PSMA1: variants seen among roughly 807,000 people sequenced by gnomAD.
PSMA1 encodes the protein proteasome subunit alpha type-1.
In PSMA1, 3 loss-of-function variants were observed where a neutral mutation model predicts 38.4. The observed-to-expected ratio is 0.08, with a 90% CI of 0.04 to 0.20. The LOEUF (loss-of-function observed/expected upper bound fraction) is 0.20. Among genes scored for constraint, PSMA1 ranks in the 10% least tolerant of loss-of-function variants. The pLI, the probability that PSMA1 is intolerant of heterozygous loss-of-function variation, is 1.00. For synonymous variants in PSMA1, 101 were observed against 107.1 expected, an observed-to-expected ratio of 0.94 and a Z score of 0.35; for missense variants, 227 against 325.3, an observed-to-expected ratio of 0.70 and a Z score of 2.32.
At chr11:14,531,951 G>A (rs1024238697) in intron 2 of PSMA1, among the ~76,000 whole-genome samples, 5 of 152,104 alleles carry the variant, frequency 3.3e-5, no homozygotes, top group Admixed American at 6.5e-5. Context: ...CCACAGGTTG[G>A]CAGTGGTACT....
At chr11:14,523,746 G>C (rs1394848915), upstream of PSMA1, among the ~76,000 whole-genome samples, 1 of 151,636 alleles carries the variant, frequency 6.6e-6, no homozygotes, top group Non-Finnish European at 1.5e-5. Context: ...CCCATGCCCA[G>C]ATAATTTTAT....
At chr11:14,538,086 TA>T (rs550817237) in intron 2 of PSMA1, among the ~76,000 whole-genome samples, 26 of 152,220 alleles carry the variant, frequency 1.7e-4, no homozygotes, top group African/African-American at 6.0e-4. Context: ...GGGTATAATA[TA>T]AAAAAATTTT....
At chr11:14,528,028 CCTT>C (rs989237025) in intron 2 of PSMA1, among the ~76,000 whole-genome samples, 1 of 152,016 alleles carries the variant, frequency 6.6e-6, no homozygotes, top group African/African-American at 2.4e-5. Flanking sequence ...TGTTTCTAAT[CCTT>C]CTTTAACAAA....
At chr11:14,568,955 T>C (rs1268479018) in intron 2 of PSMA1, among the ~76,000 whole-genome samples, 2 of 152,202 alleles carry the variant, frequency 1.3e-5, no homozygotes, top group African/African-American at 4.8e-5. Context: ...AGGGGGGCCC[T>C]AGGCCTGGCC....
chr11:14,626,053 T>C (rs1852906381), intron 1 of PSMA1, among the ~76,000 whole-genome samples: 1 of 152,104 alleles, frequency 6.6e-6, no homozygotes, highest in Non-Finnish European at 1.5e-5. Flanking sequence ...AAAAACGTTA[T>C]TTTTGCTAAC....
intron 1 of PSMA1, among the ~76,000 whole-genome samples, chr11:14,630,795 T>G (rs1318564090): frequency 2.0e-5 from 3 of 152,178 alleles, no homozygotes; most frequent in African/African-American, 4.8e-5. Context: ...CATCTGGTCC[T>G]GGACTCTTTT....
intron 2 of PSMA1, among the ~76,000 whole-genome samples, chr11:14,546,444 T>G (rs1405136869): frequency 6.6e-6 from 1 of 151,986 alleles, no homozygotes; most frequent in Non-Finnish European, 1.5e-5. Context: ...GAAATGTGGC[T>G]TTTTTTCCCC....
At position 14,578,280 on chromosome 11, in the gene PSMA1, T is replaced by C. The variant is rs540979371; in HGVS notation, c.21+32686A>G. On this transcript the variant is annotated intron_variant, in intron 2 of 10. Transcript: ENST00000418988. Reference sequence around the variant, plus strand: ...TGGTCAAGTTTAACCCTATTGTTTGTTGTCCTGCTGGCCTTGGTTAGAATT... The same window carrying C: ...TGGTCAAGTTTAACCCTATTGTTTGCTGTCCTGCTGGCCTTGGTTAGAATT... 3.4e-3 allele frequency among the ~76,000 whole-genome samples: 514 copies of C among 152,352 alleles called. 3 individuals carry two copies. The highest frequency in any genetic ancestry group is 4.9e-3 in the Non-Finnish European group (334 of 68,032).
chr11:14,623,605 AATAG>A (rs1254454855), intron 1 of PSMA1, among the ~76,000 whole-genome samples: 8 of 152,332 alleles, frequency 5.3e-5, no homozygotes, highest in African/African-American at 1.9e-4. Flanking sequence ...ATTATGGCCC[AATAG>A]AAAGCATCTA....
At chr11:14,536,284 T>C (rs1332276891) in intron 2 of PSMA1, among the ~76,000 whole-genome samples, 2 of 152,124 alleles carry the variant, frequency 1.3e-5, no homozygotes, top group African/African-American at 2.4e-5. Flanking sequence ...CCCAGCACTT[T>C]GGGAGGCCGA....
At chr11:14,605,771 C>T (rs1852635438) in intron 2 of PSMA1, among the ~76,000 whole-genome samples, 1 of 152,186 alleles carries the variant, frequency 6.6e-6, no homozygotes, top group South Asian at 2.1e-4. Context: ...TATCAGACTT[C>T]TATTGGATGC....
At chr11:14,579,577 G>C (rs190130677) in intron 2 of PSMA1, among the ~76,000 whole-genome samples, 1 of 144,434 alleles carries the variant, frequency 6.9e-6, no homozygotes, top group African/African-American at 2.6e-5. Flanking sequence ...GCCAACTTTC[G>C]ACCAACTATA....
At chr11:14,529,609 G>A (rs751877101) in intron 2 of PSMA1, among the ~76,000 whole-genome samples, 5 of 152,084 alleles carry the variant, frequency 3.3e-5, no homozygotes, top group Non-Finnish European at 7.4e-5. Flanking sequence ...TGTGATTAAG[G>A]GCTGGTACTC....
At chr11:14,509,185 C>T (rs796845037) in intron 8 of PSMA1, among the ~76,000 whole-genome samples, 2 of 152,300 alleles carry the variant, frequency 1.3e-5, no homozygotes, top group African/African-American at 4.8e-5. Context: ...GACTGCCTGA[C>T]CTTCCTCCCC....
intron 2 of PSMA1, among the ~76,000 whole-genome samples, chr11:14,538,218 T>A (rs1851732844): frequency 6.6e-6 from 1 of 152,220 alleles, no homozygotes; most frequent in Non-Finnish European, 1.5e-5. Context: ...TGTTTAATTG[T>A]GTGTACATTG....
intron 2 of PSMA1, among the ~76,000 whole-genome samples, chr11:14,608,853 A>C (rs2134197467): frequency 6.6e-6 from 1 of 151,994 alleles, no homozygotes; most frequent in African/African-American, 2.4e-5. Context: ...TTCCCTTGCA[A>C]GTTAAGTCTA....
At chr11:14,539,864 G>GAA (rs546158863) in intron 2 of PSMA1, among the ~76,000 whole-genome samples, 3 of 119,170 alleles carry the variant, frequency 2.5e-5, no homozygotes, top group Non-Finnish European at 5.4e-5. Flanking sequence ...AACAAACAAA[G>GAA]AAAAAAAAAA....
chr11:14,592,354 G>GTCTCTCTC lies in PSMA1; in HGVS notation c.21+18604_21+18611dup, dbSNP rs569894376. Among the ~76,000 whole-genome samples, 931 of 135,884 alleles carry GTCTCTCTC rather than the reference G, an allele frequency of 6.9e-3. 3 individuals are homozygous for GTCTCTCTC. Among genetic ancestry groups the GTCTCTCTC allele is most frequent in the East Asian group, 9.7e-3 (45 of 4,644 alleles). The allele number at this position is 135,884 out of a possible 152,430, so 89.1% of individuals were successfully genotyped here. On this transcript the variant is annotated intron_variant, in intron 2 of 10. Transcript: ENST00000418988. ...TCGACCCCGTCTCAACTCTGACACA[G>GTCTCTCTC]TCTCTCTCTCTCTCTCTCTCTCTAT...
chr11:14,524,685 C>T (rs541833574), upstream of PSMA1, among the ~76,000 whole-genome samples: 11 of 152,302 alleles, frequency 7.2e-5, no homozygotes, highest in Admixed American at 2.6e-4. Flanking sequence ...CACACGGACA[C>T]GTAAGACATT....
Sources: gnomAD v4.1 joint callset for allele counts (sites outside exome capture counted in the v4.1 genomes callset) on GRCh38, gnomAD v4.1.1 for gene constraint, MANE v1.5 for transcripts, NCBI Gene and HGNC (gene_info 2026-07-23, HGNC 2026-07-21) for gene names.